The following RBFOX1 variants were observed in gnomAD, a reference collection of about 807,000 sequenced individuals.
The protein encoded by RBFOX1 is RNA binding fox-1 homolog 1, also known as RNA binding protein fox-1 homolog 1.
A neutral mutation model predicts 57.7 loss-of-function variants in RBFOX1; 8 were observed. The observed-to-expected ratio is 0.14, with a 90% CI of 0.08 to 0.25. The LOEUF (loss-of-function observed/expected upper bound fraction) is 0.25. RBFOX1 is among the 10% of genes least tolerant of loss of function. The pLI is 1.00. For synonymous variants in RBFOX1, 326 were observed against 222.4 expected (o/e 1.47, Z -4.15); for missense variants, 611 against 548.5 (o/e 1.11, Z -1.14).
intron 3 of RBFOX1, among the ~76,000 whole-genome samples, chr16:7,001,622 A>C (rs2092815666): frequency 6.6e-6 from 1 of 151,630 alleles, no homozygotes; most frequent in South Asian, 2.1e-4. Flanking sequence ...ACACCCTGCT[A>C]ATTTTTGTAT....
chr16:7,362,758 GTATGT>G (rs1568420037), intron 4 of RBFOX1, among the ~76,000 whole-genome samples: 3 of 152,098 alleles, frequency 2.0e-5, no homozygotes, highest in Non-Finnish European at 4.4e-5. Context: ...GTATGTTAGT[GTATGT>G]TTCTGTGCGT....
intron 2 of RBFOX1, among the ~76,000 whole-genome samples, chr16:6,450,759 AT>A: frequency 2.2e-5 from 1 of 44,906 alleles, no homozygotes; most frequent in Non-Finnish European, 3.7e-5. Context: ...ATATACATAT[AT>A]ATATGTGTAT....
intron 2 of RBFOX1, among the ~76,000 whole-genome samples, chr16:5,562,872 T>G (rs907120604): frequency 6.6e-6 from 1 of 152,146 alleles, no homozygotes; most frequent in Non-Finnish European, 1.5e-5. Flanking sequence ...GTGATATTGA[T>G]ATTGGCTTCA....
chr16:7,493,403 G>A (rs2067569792), intron 4 of RBFOX1, among the ~76,000 whole-genome samples: 1 of 152,170 alleles, frequency 6.6e-6, no homozygotes, highest in African/African-American at 2.4e-5. Flanking sequence ...CCACAAATCT[G>A]TCCACATCAT....
At chr16:5,253,675 T>C (rs2062512877) in intron 1 of RBFOX1, among the ~76,000 whole-genome samples, 1 of 152,252 alleles carries the variant, frequency 6.6e-6, no homozygotes, top group Non-Finnish European at 1.5e-5. Flanking sequence ...CATTGCTGAA[T>C]CTGTTACAGA....
At chr16:6,073,149 T>C (rs907491901) in intron 1 of RBFOX1, among the ~76,000 whole-genome samples, 1 of 152,158 alleles carries the variant, frequency 6.6e-6, no homozygotes, top group African/African-American at 2.4e-5. Flanking sequence ...TAATATCTAA[T>C]GGGGGTTGGC....
chr16:7,472,299 A>G (rs1292279715), intron 4 of RBFOX1, among the ~76,000 whole-genome samples: 1 of 139,600 alleles, frequency 7.2e-6, no homozygotes, highest in East Asian at 1.9e-4. Flanking sequence ...AGTACCATGT[A>G]TTTACCAAAT....
At position 6,296,348 on chromosome 16, in the gene RBFOX1, A is replaced by G. The variant is rs192456735; in HGVS notation, c.-126-20647A>G. ...ATCTTTTCTCTAGCAGCCTCACTAT[A>G]CTTATCTGGAAAATGGGTATAAAGG... On this transcript the variant is annotated intron_variant, in intron 1 of 15. Transcript: ENST00000550418. Among the ~76,000 whole-genome samples, 47 of 151,638 alleles carry G rather than the reference A, an allele frequency of 3.1e-4. No individual in the cohort carries two copies. In the East Asian group the frequency reaches 7.8e-3, roughly 25 times the overall value.
At chr16:7,052,261 G>C (rs1399454496) in intron 4 of RBFOX1, among the ~76,000 whole-genome samples, 163 bp downstream of exon 4, 1 of 152,182 alleles carries the variant, frequency 6.6e-6, no homozygotes, top group African/African-American at 2.4e-5. Context: ...TGATTGAGCT[G>C]TTAAATACAG....
intron 1 of RBFOX1, among the ~76,000 whole-genome samples, chr16:6,298,236 AG>A (rs1355305715): frequency 1.3e-5 from 2 of 152,140 alleles, no homozygotes; most frequent in Non-Finnish European, 2.9e-5. Flanking sequence ...ATGTCCTGCG[AG>A]GGGGTCAGGG....
chr16:5,502,487 G>GC (rs1379085785), intron 2 of RBFOX1, among the ~76,000 whole-genome samples: 2 of 152,136 alleles, frequency 1.3e-5, no homozygotes, highest in Non-Finnish European at 2.9e-5. Flanking sequence ...TGTTCTGGAA[G>GC]CCCCCTGCTC....
chr16:7,710,196 T>C, intron 15 of RBFOX1: 4 of 1,028,754 alleles, frequency 3.9e-6, no homozygotes, highest in Non-Finnish European at 3.5e-6. Context: ...AAGAAGTAGG[T>C]TGAGATTTTC....
intron 3 of RBFOX1, among the ~76,000 whole-genome samples, chr16:6,890,713 A>T (rs2065212401): frequency 6.6e-6 from 1 of 152,202 alleles, no homozygotes. Flanking sequence ...TGAATAGCAT[A>T]TTCCAAGTGG....
intron 4 of RBFOX1, among the ~76,000 whole-genome samples, chr16:7,345,962 T>C (rs887085569): frequency 5.3e-5 from 8 of 152,316 alleles, no homozygotes; most frequent in African/African-American, 1.9e-4. Flanking sequence ...TATCTCCTAA[T>C]GCTATCCCTC....
chr16:6,609,791 C>G (rs138162247), intron 2 of RBFOX1, among the ~76,000 whole-genome samples: 1 of 151,972 alleles, frequency 6.6e-6, no homozygotes. Context: ...AGGCAAATTA[C>G]AAGGTCAAAA....
intron 4 of RBFOX1, among the ~76,000 whole-genome samples, chr16:7,089,600 G>T (rs1223661289): frequency 1.1e-4 from 17 of 152,124 alleles, no homozygotes; most frequent in Admixed American, 1.0e-3. Context: ...TTGTTAAGTA[G>T]TGTCTGTGAT....
intron 3 of RBFOX1, among the ~76,000 whole-genome samples, chr16:6,731,026 G>A (rs763557345): frequency 2.6e-5 from 4 of 152,164 alleles, no homozygotes; most frequent in Non-Finnish European, 5.9e-5. Context: ...GAGAGGTTAT[G>A]TTTGCAACCC....
chr16:6,909,503 A>T (rs1018835370), intron 3 of RBFOX1, among the ~76,000 whole-genome samples: 1 of 152,216 alleles, frequency 6.6e-6, no homozygotes, highest in African/African-American at 2.4e-5. Context: ...GATTCTGTCT[A>T]TCACACTCTC....
At chr16:5,547,696 A>G (rs952185990) in intron 2 of RBFOX1, among the ~76,000 whole-genome samples, 1 of 152,198 alleles carries the variant, frequency 6.6e-6, no homozygotes, top group Non-Finnish European at 1.5e-5. Flanking sequence ...CATGTACACA[A>G]TGGAATACTA....
Sources: gnomAD v4.1 joint callset for allele counts (sites outside exome capture counted in the v4.1 genomes callset) on GRCh38, gnomAD v4.1.1 for gene constraint, MANE v1.5 for transcripts, NCBI Gene and HGNC (gene_info 2026-07-23, HGNC 2026-07-21) for gene names.